EBF1: variants seen among roughly 807,000 people sequenced by gnomAD.
EBF1 encodes EBF transcription factor 1.
Under a neutral mutation model 68.4 loss-of-function variants are expected in EBF1, and 10 were observed. The observed-to-expected ratio is 0.15, with a 90% confidence interval of 0.09 to 0.25. The LOEUF (loss-of-function observed/expected upper bound fraction) is 0.25, where lower values mean the gene tolerates loss of function less well. EBF1 is among the 10% of genes least tolerant of loss of function. The pLI is 1.00. For synonymous variants in EBF1, 298 were observed against 299.8 expected (o/e 0.99, Z 0.06); for missense variants, 509 against 794.4 (o/e 0.64, Z 4.32).
intron 6 of EBF1, among the ~76,000 whole-genome samples, chr5:158,853,274 G>C (rs191743021): frequency 9.9e-5 from 15 of 152,258 alleles, no homozygotes; most frequent in Non-Finnish European, 1.5e-4. Context: ...TGTGATTTAG[G>C]CCTGGCCAGT....
intron 6 of EBF1, among the ~76,000 whole-genome samples, chr5:159,037,707 G>A (rs1021004134): frequency 2.0e-5 from 3 of 146,714 alleles, no homozygotes; most frequent in Admixed American, 6.8e-5. Context: ...CCTAATGCTA[G>A]ATGACGAGTT....
chr5:158,842,989 T>A (rs1021707472), intron 6 of EBF1, among the ~76,000 whole-genome samples: 4 of 152,210 alleles, frequency 2.6e-5, no homozygotes, highest in African/African-American at 9.7e-5. Flanking sequence ...TAATACTAAT[T>A]GTACTATTGA....
chr5:158,709,226 T>G (rs73816041), intron 14 of EBF1, among the ~76,000 whole-genome samples: 1 of 152,364 alleles, frequency 6.6e-6, no homozygotes, highest in African/African-American at 2.4e-5. Context: ...TTCACACAAC[T>G]TAATAAAACA....
chr5:159,088,899 A>G (rs1296219119), intron 4 of EBF1, among the ~76,000 whole-genome samples: 1 of 152,162 alleles, frequency 6.6e-6, no homozygotes, highest in Non-Finnish European at 1.5e-5. Context: ...TGCAATATCA[A>G]GTAGAAAACA....
intron 15 of EBF1, among the ~76,000 whole-genome samples, chr5:158,707,222 A>C (rs1758046881): frequency 6.6e-6 from 1 of 152,254 alleles, no homozygotes; most frequent in Non-Finnish European, 1.5e-5. Context: ...AACATATGAC[A>C]CACAACAGAG....
chr5:158,923,936 C>A (rs1323059421), intron 6 of EBF1, among the ~76,000 whole-genome samples: 1 of 152,200 alleles, frequency 6.6e-6, no homozygotes, highest in Non-Finnish European at 1.5e-5. Flanking sequence ...GGTACAGCAA[C>A]ATTTTAATGG....
chr5:158,773,894 G>A (rs554862208), intron 10 of EBF1, among the ~76,000 whole-genome samples: 1 of 152,296 alleles, frequency 6.6e-6, no homozygotes, highest in Admixed American at 6.5e-5. Context: ...ACATGGCAGT[G>A]AGGTTATAGT....
chr5:159,013,952 G>C (rs1444411846), intron 6 of EBF1, among the ~76,000 whole-genome samples: 2 of 152,140 alleles, frequency 1.3e-5, no homozygotes, highest in Non-Finnish European at 2.9e-5. Context: ...TATAAATATA[G>C]ATCCAGATGT....
chr5:158,810,300 C>A (rs1782419440), intron 8 of EBF1, among the ~76,000 whole-genome samples: 1 of 152,130 alleles, frequency 6.6e-6, no homozygotes, highest in Non-Finnish European at 1.5e-5. Context: ...AGTAGGTGCT[C>A]AGTATCTGTT....
intron 6 of EBF1, among the ~76,000 whole-genome samples, chr5:159,071,964 A>G (rs1316077211): frequency 6.6e-6 from 1 of 152,240 alleles, no homozygotes; most frequent in African/African-American, 2.4e-5. Flanking sequence ...AAAACAAACC[A>G]GCATAAAGGT....
At chr5:158,983,897 AGTGT>A (rs56099364) in intron 6 of EBF1, 7,035 of 139,940 alleles carry the variant, frequency 0.05, 165 homozygotes, top group East Asian at 0.076. Context: ...CAACTGTAAG[AGTGT>A]GTGTGTGTGT....
At chr5:158,742,456 A>G (rs1280837133) in intron 10 of EBF1, among the ~76,000 whole-genome samples, 2 of 151,872 alleles carry the variant, frequency 1.3e-5, no homozygotes, top group Non-Finnish European at 2.9e-5. Flanking sequence ...AGTGATTAGC[A>G]CATAAATACT....
chr5:158,879,785 C>T (rs1453199281), intron 6 of EBF1, among the ~76,000 whole-genome samples: 1 of 152,008 alleles, frequency 6.6e-6, no homozygotes, highest in East Asian at 1.9e-4. Context: ...AGGAGGGCAC[C>T]CCAGCCCTGG....
chr5:158,893,258 C>T (rs1801538355), intron 6 of EBF1, among the ~76,000 whole-genome samples: 1 of 152,084 alleles, frequency 6.6e-6, no homozygotes, highest in Admixed American at 6.6e-5. Flanking sequence ...TTTCTCTTCC[C>T]CTGGTTATAA....
intron 6 of EBF1, among the ~76,000 whole-genome samples, chr5:158,952,316 T>C (rs898379630): frequency 1.3e-5 from 2 of 152,178 alleles, no homozygotes; most frequent in Non-Finnish European, 2.9e-5. Context: ...ACCCTGTCAA[T>C]TGTTAAGTCT....
intron 9 of EBF1, among the ~76,000 whole-genome samples, chr5:158,781,070 T>G (rs1776366217): frequency 6.6e-6 from 1 of 152,192 alleles, no homozygotes; most frequent in East Asian, 1.9e-4. Context: ...TATGAGACAA[T>G]AATCATAAGA....
chr5:158,758,532 A>G (rs1029560486), intron 10 of EBF1, among the ~76,000 whole-genome samples: 22 of 152,162 alleles, frequency 1.4e-4, no homozygotes, highest in African/African-American at 5.3e-4. Flanking sequence ...GCCCTTTATA[A>G]AACATCAATG....
At chr5:158,907,232 CAAG>C (rs1804840483) in intron 6 of EBF1, among the ~76,000 whole-genome samples, 1 of 152,138 alleles carries the variant, frequency 6.6e-6, no homozygotes, top group African/African-American at 2.4e-5. Flanking sequence ...GCGAAGGTGA[CAAG>C]GAGGGAAGTA....
rs559701912 is a variant in EBF1, at chr5:158,786,014, C to G, written c.910-8475G>C. ...AGTAGTCACTCAATAAATACTTGAA[C>G]ATTGAATGAATAAATATCGTGATGC... On this transcript the variant is annotated intron_variant, in intron 9 of 15. Transcript: ENST00000313708. 9.9e-5 allele frequency among the ~76,000 whole-genome samples: 15 copies of G among 152,228 alleles called. No homozygotes were observed. The South Asian group carries it at 2.1e-3, about 21-fold the overall frequency.
Sources: gnomAD v4.1 joint callset for allele counts (sites outside exome capture counted in the v4.1 genomes callset) on GRCh38, gnomAD v4.1.1 for gene constraint, MANE v1.5 for transcripts, NCBI Gene and HGNC (gene_info 2026-07-23, HGNC 2026-07-21) for gene names.